MDFIC2: variants seen among roughly 807,000 people sequenced by gnomAD.
MDFIC2 encodes the protein myoD family inhibitor domain-containing protein 2.
chr3:70,262,549 A>G (rs12488604), intron 2 of MDFIC2, among the ~76,000 whole-genome samples: 9,606 of 152,228 alleles, frequency 0.063, 370 homozygotes, highest in South Asian at 0.12. Flanking sequence ...ATTTACTGTC[A>G]TAATAAAGGA....
chr3:70,216,025 A>G (rs1701406464), intron 2 of MDFIC2, among the ~76,000 whole-genome samples: 1 of 152,144 alleles, frequency 6.6e-6, no homozygotes, highest in Non-Finnish European at 1.5e-5. Context: ...CTGTGAAAAT[A>G]CAAAAAGATA....
At chr3:70,299,632 A>T (rs921378670) in intron 2 of MDFIC2, among the ~76,000 whole-genome samples, 11 of 152,114 alleles carry the variant, frequency 7.2e-5, no homozygotes, top group Admixed American at 2.0e-4. Context: ...CTGAAAACCA[A>T]TATCTCAAAT....
intron 2 of MDFIC2, among the ~76,000 whole-genome samples, chr3:70,293,336 G>A (rs1233849461): frequency 6.6e-6 from 1 of 152,084 alleles, no homozygotes; most frequent in Non-Finnish European, 1.5e-5. Flanking sequence ...TTGTATATGT[G>A]TGTCCTTATT....
chr3:70,197,663 C>T (rs1559532896), intron 3 of MDFIC2, among the ~76,000 whole-genome samples: 1 of 152,196 alleles, frequency 6.6e-6, no homozygotes, highest in African/African-American at 2.4e-5. Context: ...CATAAATCTG[C>T]CACACCCATA....
chr3:70,294,880 T>C (rs1702274980), intron 2 of MDFIC2, among the ~76,000 whole-genome samples: 1 of 152,168 alleles, frequency 6.6e-6, no homozygotes. Context: ...AGACTATCTT[T>C]TTTTGTGAAC....
intron 2 of MDFIC2, among the ~76,000 whole-genome samples, chr3:70,304,061 G>T (rs1210121263): frequency 6.6e-6 from 1 of 152,126 alleles, no homozygotes; most frequent in African/African-American, 2.4e-5. Context: ...GGCATTCCCA[G>T]GGTTAGGAGT....
chr3:70,288,771 A>C (rs1002997633), intron 2 of MDFIC2, among the ~76,000 whole-genome samples: 3 of 151,880 alleles, frequency 2.0e-5, no homozygotes, highest in African/African-American at 7.3e-5. Flanking sequence ...TATTTAGGAT[A>C]GTTAGCTCTT....
chr3:70,278,260 G>A (rs1575613532), intron 2 of MDFIC2, among the ~76,000 whole-genome samples: 1 of 152,024 alleles, frequency 6.6e-6, no homozygotes, highest in African/African-American at 2.4e-5. Context: ...TGTGTGTACC[G>A]GTAGTTCAAA....
intron 2 of MDFIC2, among the ~76,000 whole-genome samples, chr3:70,286,825 C>A (rs530436840): frequency 6.6e-6 from 1 of 151,996 alleles, no homozygotes; most frequent in Non-Finnish European, 1.5e-5. Context: ...GAAGCAATTG[C>A]GAATGAGAGT....
intron 2 of MDFIC2, among the ~76,000 whole-genome samples, chr3:70,257,821 T>A (rs750675903): frequency 5.9e-5 from 9 of 152,174 alleles, no homozygotes; most frequent in Non-Finnish European, 1.0e-4. Flanking sequence ...TAGGTAAGCC[T>A]TAACCATTTT....
chr3:70,248,630 C>A (rs984349534), intron 2 of MDFIC2, among the ~76,000 whole-genome samples: 2 of 152,022 alleles, frequency 1.3e-5, no homozygotes, highest in African/African-American at 2.4e-5. Context: ...AATATTTAGG[C>A]TTTTACAATC....
intron 2 of MDFIC2, among the ~76,000 whole-genome samples, chr3:70,260,189 T>A (rs1701852677): frequency 6.6e-6 from 1 of 152,162 alleles, no homozygotes; most frequent in Non-Finnish European, 1.5e-5. Flanking sequence ...TCTTCCTAAC[T>A]TCTAGTGGTT....
intron 2 of MDFIC2, among the ~76,000 whole-genome samples, chr3:70,268,252 C>T (rs1335060436): frequency 6.6e-6 from 1 of 152,044 alleles, no homozygotes; most frequent in Non-Finnish European, 1.5e-5. Flanking sequence ...AGGCAGATTG[C>T]CTGAGCGCAG....
chr3:70,304,222 G>A (rs750415545), intron 2 of MDFIC2, among the ~76,000 whole-genome samples: 31 of 152,068 alleles, frequency 2.0e-4, no homozygotes, highest in African/African-American at 6.0e-4. Context: ...AGCATGACAC[G>A]TTCTTTCCTG....
chr3:70,299,570 G>A (rs557229834), intron 2 of MDFIC2, among the ~76,000 whole-genome samples: 2 of 152,216 alleles, frequency 1.3e-5, no homozygotes, highest in Admixed American at 6.5e-5. Flanking sequence ...CCATGGCCAA[G>A]GCTCGTTGGA....
intron 2 of MDFIC2, among the ~76,000 whole-genome samples, chr3:70,304,029 A>G (rs1388103201): frequency 1.3e-5 from 2 of 152,144 alleles, no homozygotes; most frequent in Admixed American, 6.6e-5. Context: ...AGTTTACTAC[A>G]ATATAAACTA....
intron 2 of MDFIC2, among the ~76,000 whole-genome samples, chr3:70,282,363 G>A (rs1702094352): frequency 1.3e-5 from 2 of 152,138 alleles, no homozygotes; most frequent in Admixed American, 6.5e-5. Flanking sequence ...ATGCTAATGT[G>A]TCTTAAACCT....
At chr3:70,291,134 T>C (rs965243872) in intron 2 of MDFIC2, 1 of 152,184 alleles carries the variant, frequency 6.6e-6, no homozygotes, top group Non-Finnish European at 1.5e-5. Flanking sequence ...AAAGCAGTTT[T>C]ACCATAAAAA....
chr3:70,274,492 G>C (rs1702003450), intron 2 of MDFIC2, among the ~76,000 whole-genome samples: 1 of 152,124 alleles, frequency 6.6e-6, no homozygotes, highest in African/African-American at 2.4e-5. Flanking sequence ...TTAATGTTAA[G>C]TTGACTGAAG....
Sources: gnomAD v4.1 joint callset for allele counts (sites outside exome capture counted in the v4.1 genomes callset) on GRCh38, gnomAD v4.1.1 for gene constraint, MANE v1.5 for transcripts, NCBI Gene and HGNC (gene_info 2026-07-23, HGNC 2026-07-21) for gene names.